The following LRRC4C variants were observed in gnomAD, a reference collection of about 807,000 sequenced individuals.
The protein encoded by LRRC4C is leucine rich repeat containing 4C, also known as leucine-rich repeat-containing protein 4C.
LRRC4C carries 5 observed loss-of-function variants against 33.6 expected under a neutral mutation model. The observed-to-expected ratio is 0.15, with a 90% CI of 0.08 to 0.31. The LOEUF (loss-of-function observed/expected upper bound fraction) is 0.31, where lower values mean the gene tolerates loss of function less well. LRRC4C is among the 10% of genes least tolerant of loss of function. The pLI is 1.00. For missense variants in LRRC4C, 560 were observed against 796.7 expected (o/e 0.70, Z 3.58); for synonymous variants, 329 against 302.0 (o/e 1.09, Z -0.93).
At chr11:41,303,503 C>A (rs1170922833) in intron 1 of LRRC4C, among the ~76,000 whole-genome samples, 1 of 128,234 alleles carries the variant, frequency 7.8e-6, no homozygotes. Flanking sequence ...TCTGCCCGGC[C>A]GCCACCCCAT....
In LRRC4C at chr11:41,179,756, T is replaced by C. The variant is rs537220977; in HGVS notation, c.-495-246033A>G. Among the ~76,000 whole-genome samples, 8 of 152,280 alleles carry C rather than the reference T, an allele frequency of 5.3e-5. No individual in the cohort carries two copies. The South Asian group carries it at 1.7e-3, about 32-fold the overall frequency. The stretch of plus-strand genomic sequence containing the variant: ...CTGAAATCTGAACTGTTAAGTAAGC[T>C]CTAGTCACAATTTTGACATTAATTG... On this transcript the variant is annotated intron_variant, in intron 1 of 6. Transcript: ENST00000528697.
chr11:40,538,457 T>C (rs138940806), intron 3 of LRRC4C, among the ~76,000 whole-genome samples: 1 of 152,334 alleles, frequency 6.6e-6, no homozygotes, highest in African/African-American at 2.4e-5. Flanking sequence ...ACAAAGGACA[T>C]GAACTTATCC....
intron 1 of LRRC4C, among the ~76,000 whole-genome samples, chr11:41,104,740 A>G (rs890413886): frequency 6.6e-6 from 1 of 151,986 alleles, no homozygotes; most frequent in African/African-American, 2.4e-5. Context: ...AACATATGAA[A>G]ATATTATGTA....
intron 4 of LRRC4C, among the ~76,000 whole-genome samples, chr11:40,310,323 TAAGGAATG>T (rs1945240603): frequency 6.6e-6 from 1 of 152,208 alleles, no homozygotes; most frequent in Admixed American, 6.5e-5. Context: ...CATAGGTAAA[TAAGGAATG>T]AATCAGAACC....
At chr11:41,441,034 G>A (rs946534357) in intron 1 of LRRC4C, among the ~76,000 whole-genome samples, 1 of 152,116 alleles carries the variant, frequency 6.6e-6, no homozygotes, top group African/African-American at 2.4e-5. Flanking sequence ...GTCTTCTCAA[G>A]GGTAGAGAGA....
At chr11:41,449,235 C>T (rs1955938874) in intron 1 of LRRC4C, among the ~76,000 whole-genome samples, 1 of 152,080 alleles carries the variant, frequency 6.6e-6, no homozygotes, top group Non-Finnish European at 1.5e-5. Flanking sequence ...ATCGTCAAAA[C>T]AGAAAGTGGG....
chr11:40,848,682 T>G (rs1046866820), intron 2 of LRRC4C, among the ~76,000 whole-genome samples: 2 of 152,118 alleles, frequency 1.3e-5, no homozygotes, highest in African/African-American at 4.8e-5. Context: ...GAGCTGAGTT[T>G]AAGTCCTGGA....
chr11:40,511,344 A>G (rs1024108447), intron 3 of LRRC4C, among the ~76,000 whole-genome samples: 6 of 152,208 alleles, frequency 3.9e-5, no homozygotes, highest in East Asian at 1.9e-4. Context: ...GGTACATTTT[A>G]TGACAAAGAA....
At chr11:41,403,724 AC>A (rs964753309) in intron 1 of LRRC4C, among the ~76,000 whole-genome samples, 10 of 152,040 alleles carry the variant, frequency 6.6e-5, no homozygotes, top group Non-Finnish European at 1.0e-4. Context: ...AACACATAAC[AC>A]GAGGGCTGAT....
chr11:40,713,898 G>A lies in LRRC4C; in HGVS notation c.-406-65620C>T, dbSNP rs190744815. 1.4e-4 allele frequency among the ~76,000 whole-genome samples: 22 copies of A among 152,188 alleles called. No individual in the cohort carries two copies. The East Asian group carries it at 1.9e-3, about 13-fold the overall frequency. On this transcript the variant is annotated intron_variant, in intron 2 of 6. Coordinates refer to ENST00000528697, the MANE Select transcript of LRRC4C (RefSeq NM_001258419.2). ...ATGTATGCCCTCTTCAATTCCCATC[G>A]CTATAGAAGAGGGATCATCTGTGTA...
intron 1 of LRRC4C, among the ~76,000 whole-genome samples, chr11:41,338,794 T>C (rs939421009): frequency 8.0e-4 from 122 of 152,296 alleles, no homozygotes; most frequent in African/African-American, 2.9e-3. Flanking sequence ...AGCAATTTGT[T>C]TGTAGTAAGA....
intron 5 of LRRC4C, among the ~76,000 whole-genome samples, chr11:40,159,698 T>C (rs1317372431): frequency 6.6e-6 from 1 of 152,206 alleles, no homozygotes; most frequent in Non-Finnish European, 1.5e-5. Context: ...CAAATACTAC[T>C]TTCTCACACA....
chr11:40,636,727 A>G (rs10742544), intron 3 of LRRC4C, among the ~76,000 whole-genome samples: 114,108 of 152,044 alleles, frequency 0.75, 43,500 homozygotes, highest in African/African-American at 0.88. Context: ...AGATCTCATG[A>G]CTGGCCACAT....
At chr11:41,426,879 T>G (rs1955060817) in intron 1 of LRRC4C, among the ~76,000 whole-genome samples, 1 of 152,148 alleles carries the variant, frequency 6.6e-6, no homozygotes, top group Non-Finnish European at 1.5e-5. Flanking sequence ...AATCATTGAA[T>G]AGACTAGCAC....
chr11:40,892,269 G>T (rs1470195839), intron 2 of LRRC4C, among the ~76,000 whole-genome samples: 4 of 152,058 alleles, frequency 2.6e-5, no homozygotes, highest in Non-Finnish European at 2.9e-5. Flanking sequence ...AGAGATTTCT[G>T]CATTCATGTT....
chr11:40,174,229 G>A (rs1333826643), intron 5 of LRRC4C, among the ~76,000 whole-genome samples: 2 of 152,200 alleles, frequency 1.3e-5, no homozygotes, highest in Non-Finnish European at 2.9e-5. Flanking sequence ...CAAGACTGAT[G>A]CCTTGTGTTA....
chr11:40,739,227 A>G (rs1948041005), intron 2 of LRRC4C, among the ~76,000 whole-genome samples: 1 of 151,928 alleles, frequency 6.6e-6, no homozygotes, highest in Non-Finnish European at 1.5e-5. Context: ...CCCAAACTCC[A>G]TGTCCTAGCA....
rs148174219 is a variant in LRRC4C at position 41,013,308 on chromosome 11, C to T, written c.-495-79585G>A. On this transcript the variant is annotated intron_variant, in intron 1 of 6. Coordinates refer to ENST00000528697, the MANE Select transcript of LRRC4C (RefSeq NM_001258419.2). The stretch of plus-strand genomic sequence containing the variant: ...GTCTTTACTTAGCTTTAAAATGGCA[C>T]GTTTTTAATTTTGGGCATTTATTTT... 5.2e-3 allele frequency among the ~76,000 whole-genome samples: 790 copies of T among 152,232 alleles called. 2 individuals are homozygous for T. The highest frequency in any genetic ancestry group is 0.017 in the African/African-American group (701 of 41,534).
Position 41,280,188 on chromosome 11 carries a change from T to C in LRRC4C, c.-496+179243A>G, listed in dbSNP as rs946046028. On this transcript the variant is annotated intron_variant, in intron 1 of 6. Coordinates refer to ENST00000528697, the MANE Select transcript of LRRC4C (RefSeq NM_001258419.2). ...CTTATTTGTTGAAGGAATAAATGCC[T>C]AAAGAAACAACAGTTTCTGAGAGCG... 2.0e-5 allele frequency among the ~76,000 whole-genome samples: 3 copies of C among 152,298 alleles called. No individual in the cohort carries two copies. In the South Asian group the frequency reaches 6.2e-4, roughly 32 times the overall value.
Sources: allele counts gnomAD v4.1 joint callset (sites outside exome capture counted in the v4.1 genomes callset), GRCh38; gene constraint gnomAD v4.1.1; transcripts MANE v1.5; gene names NCBI Gene and HGNC (gene_info 2026-07-23, HGNC 2026-07-21).